Variants in KCNIP1 observed in about 807,000 individuals in gnomAD.
KCNIP1 encodes the protein A-type potassium channel modulatory protein KCNIP1.
In KCNIP1, 18 loss-of-function variants were observed where a neutral mutation model predicts 33.0. That is an observed-to-expected ratio of 0.55 (90% CI 0.38 to 0.81). The LOEUF is 0.81. Ranked by LOEUF, KCNIP1 falls within the 30% of genes least tolerant of loss-of-function variation. The pLI is 0.00. For missense variants in KCNIP1, 238 were observed against 271.6 expected (o/e 0.88, Z 0.87); for synonymous variants, 93 against 98.3 (o/e 0.95, Z 0.32).
intron 1 of KCNIP1, among the ~76,000 whole-genome samples, chr5:170,588,612 A>C (rs1758088745): frequency 1.3e-5 from 2 of 152,088 alleles, no homozygotes; most frequent in South Asian, 4.1e-4. Context: ...CGCCTCCCCA[A>C]ATCCTTCAGC....
At chr5:170,617,616 A>C (rs989828257) in intron 1 of KCNIP1, among the ~76,000 whole-genome samples, 1 of 152,184 alleles carries the variant, frequency 6.6e-6, no homozygotes, top group Admixed American at 6.5e-5. Flanking sequence ...ATCTCCTGCA[A>C]TGGGGCCTCC....
intron 1 of KCNIP1, among the ~76,000 whole-genome samples, chr5:170,455,147 T>A (rs1220312917): frequency 6.6e-6 from 1 of 152,208 alleles, no homozygotes; most frequent in Admixed American, 6.5e-5. Context: ...TCACTTTCAA[T>A]AATGGATAGA....
intron 1 of KCNIP1, among the ~76,000 whole-genome samples, chr5:170,371,923 C>G (rs1003389955): frequency 3.3e-5 from 5 of 152,170 alleles, no homozygotes; most frequent in East Asian, 1.9e-4. Context: ...TTTCTTCCCC[C>G]CTACTGATAC....
rs566779451 is a variant in KCNIP1 at position 170,700,695 on chromosome 5, C to T, written c.62-18063C>T. On this transcript the variant is annotated intron_variant, in intron 1 of 7. Transcript: ENST00000328939. Reference sequence around the variant, plus strand: ...GCTCTGGAGCCAGGTTGCCTGAGCACGGAGCCAGCTGTGCCCTGCGGGACA... The same window carrying T: ...GCTCTGGAGCCAGGTTGCCTGAGCATGGAGCCAGCTGTGCCCTGCGGGACA... 2.0e-4 allele frequency among the ~76,000 whole-genome samples: 30 copies of T among 152,356 alleles called. No individual in the cohort carries two copies. The South Asian group carries it at 2.3e-3, about 12-fold the overall frequency.
intron 1 of KCNIP1, among the ~76,000 whole-genome samples, chr5:170,584,837 C>T (rs774428438): frequency 1.3e-5 from 2 of 152,188 alleles, no homozygotes; most frequent in African/African-American, 4.8e-5. Context: ...TTCCTCCCCA[C>T]AGTCTCCCAG....
intron 1 of KCNIP1, among the ~76,000 whole-genome samples, chr5:170,667,670 T>A (rs1746704529): frequency 6.6e-6 from 1 of 152,224 alleles, no homozygotes; most frequent in Non-Finnish European, 1.5e-5. Context: ...ATCACTTACC[T>A]GCTGGGCAGC....
At chr5:170,388,249 G>C (rs1348456798) in intron 1 of KCNIP1, among the ~76,000 whole-genome samples, 1 of 152,236 alleles carries the variant, frequency 6.6e-6, no homozygotes, top group African/African-American at 2.4e-5. Context: ...CCTGCACTGA[G>C]TGAGTTTATA....
At chr5:170,356,094 G>A (rs1337225794) in intron 1 of KCNIP1, among the ~76,000 whole-genome samples, 1 of 152,224 alleles carries the variant, frequency 6.6e-6, no homozygotes, top group African/African-American at 2.4e-5. Flanking sequence ...AGCTGAGAAA[G>A]GCCTGCAGAG....
chr5:170,498,654 AGC>A (rs1360337948), intron 1 of KCNIP1, among the ~76,000 whole-genome samples: 1 of 152,238 alleles, frequency 6.6e-6, no homozygotes, highest in African/African-American at 2.4e-5. Flanking sequence ...TATTTAGAAT[AGC>A]GCCTGGCAGG....
chr5:170,724,658 T>C (rs961147775), intron 5 of KCNIP1, among the ~76,000 whole-genome samples: 4 of 152,226 alleles, frequency 2.6e-5, no homozygotes, highest in Non-Finnish European at 5.9e-5. Context: ...ACATGAGTTC[T>C]ATTTACAAAA....
chr5:170,681,753 G>A (rs1437475307), intron 1 of KCNIP1, among the ~76,000 whole-genome samples: 3 of 152,124 alleles, frequency 2.0e-5, no homozygotes, highest in Non-Finnish European at 2.9e-5. Context: ...GTGAGAATGG[G>A]GTTATAAATC....
At chr5:170,531,708 G>C (rs1448267277) in intron 1 of KCNIP1, among the ~76,000 whole-genome samples, 1 of 152,192 alleles carries the variant, frequency 6.6e-6, no homozygotes, top group Non-Finnish European at 1.5e-5. Context: ...TAGGAGTGTG[G>C]TTTGCTATTT....
rs145375252 is a variant in KCNIP1 at position 170,559,989 on chromosome 5, C to T, written c.61+55356C>T. ...GCTGTGTCTCCCAGGGGAAATTCAA[C>T]TACTTGGTAATTATCCTGCTTCTTA... On this transcript the variant is annotated intron_variant, in intron 1 of 7. Coordinates refer to ENST00000328939, the MANE Select transcript of KCNIP1 (RefSeq NM_014592.4). Among the ~76,000 whole-genome samples, 6 of 152,344 alleles carry T rather than the reference C, an allele frequency of 3.9e-5. No homozygotes were observed. The East Asian group carries it at 1.2e-3, about 29-fold the overall frequency.
intron 1 of KCNIP1, among the ~76,000 whole-genome samples, chr5:170,629,496 G>A (rs1269708134): frequency 3.9e-5 from 6 of 152,216 alleles, no homozygotes; most frequent in Non-Finnish European, 5.9e-5. Flanking sequence ...GCAGAGAGGA[G>A]GGGTCTCAGG....
chr5:170,575,958 A>T (rs1342519341), intron 1 of KCNIP1, among the ~76,000 whole-genome samples: 1 of 152,170 alleles, frequency 6.6e-6, no homozygotes, highest in Admixed American at 6.5e-5. Context: ...TCTCCAATGT[A>T]TCAGTTAGCT....
chr5:170,543,150 C>T (rs1211827026), intron 1 of KCNIP1, among the ~76,000 whole-genome samples: 2 of 152,174 alleles, frequency 1.3e-5, no homozygotes, highest in African/African-American at 2.4e-5. Context: ...CCTCTCAACA[C>T]CACTGCAATG....
intron 1 of KCNIP1, among the ~76,000 whole-genome samples, chr5:170,411,679 G>T (rs6884953): frequency 0.66 from 99,725 of 152,036 alleles, 32,773 homozygotes; most frequent in Middle Eastern, 0.72. Flanking sequence ...CAACTCCAAG[G>T]TGCCAGACAA....
intron 1 of KCNIP1, among the ~76,000 whole-genome samples, chr5:170,694,010 A>G (rs1423229303): frequency 6.6e-6 from 1 of 152,188 alleles, no homozygotes; most frequent in African/African-American, 2.4e-5. Flanking sequence ...TAGCCTAGGT[A>G]GAATCTTGGC....
chr5:170,702,733 T>G (rs1422864241), intron 1 of KCNIP1, among the ~76,000 whole-genome samples: 2 of 152,138 alleles, frequency 1.3e-5, no homozygotes, highest in Non-Finnish European at 2.9e-5. Flanking sequence ...GATGATGTGA[T>G]TAGTCTCTGT....
Sources: gnomAD v4.1 joint callset for allele counts (sites outside exome capture counted in the v4.1 genomes callset) on GRCh38, gnomAD v4.1.1 for gene constraint, MANE v1.5 for transcripts, NCBI Gene and HGNC (gene_info 2026-07-23, HGNC 2026-07-21) for gene names.